The following USP8 variants were observed in gnomAD, a reference collection of about 807,000 sequenced individuals.
USP8 encodes ubiquitin carboxyl-terminal hydrolase 8.
In USP8, 27 loss-of-function variants were observed where a neutral mutation model predicts 130.0. That is an observed-to-expected ratio of 0.21 (90% CI 0.15 to 0.29). The LOEUF is 0.29. Among genes scored for constraint, USP8 ranks in the 10% least tolerant of loss-of-function variants. The pLI, the probability that USP8 is intolerant of heterozygous loss-of-function variation, is 1.00. For synonymous variants in USP8, 392 were observed against 444.1 expected (o/e 0.88, Z 1.48); for missense variants, 1,029 against 1,312.2 (o/e 0.78, Z 3.33).
intron 14 of USP8, among the ~76,000 whole-genome samples, chr15:50,490,808 C>T (rs1447616417): frequency 1.3e-5 from 2 of 152,150 alleles, no homozygotes; most frequent in African/African-American, 4.8e-5. Context: ...AGTACCCTCA[C>T]GTTTTTCATA....
chr15:50,494,322 G>A, intron 16 of USP8, 42 bp downstream of exon 16: 1 of 1,536,802 alleles, frequency 6.5e-7, no homozygotes, highest in Non-Finnish European at 8.8e-7. Flanking sequence ...ACTCTTTAGG[G>A]TTGCTCAGTA....
intron 8 of USP8, among the ~76,000 whole-genome samples, chr15:50,476,306 G>T (rs879158216): frequency 6.6e-6 from 1 of 152,182 alleles, no homozygotes; most frequent in South Asian, 2.1e-4. Context: ...GCGCGTGCTT[G>T]TAAGTCCCAG....
At position 50,482,920 on chromosome 15, in the gene USP8, C is replaced by T. The variant is rs751078650; in HGVS notation, c.1803+855C>T. 5.3e-5 allele frequency among the ~76,000 whole-genome samples: 8 copies of T among 152,308 alleles called. No homozygotes were observed. In the East Asian group the frequency reaches 1.2e-3, roughly 22 times the overall value. On this transcript the variant is annotated intron_variant, in intron 11 of 19. Transcript: ENST00000307179. ...AAAATTAATTCATAGTCAAGCTGCT[C>T]TTATCCAGGGAACACTTATCTGGTA... is the stretch of plus-strand genomic sequence containing the variant.
rs961945763 is a variant in USP8 at position 50,508,669 on chromosome 15, A to T, written c.*9581A>T. 2.2e-4 allele frequency: 33 copies of T among 152,296 alleles called. 1 individual carries two copies. The highest frequency in any genetic ancestry group is 1.8e-3 in the Admixed American group (27 of 15,298). 9.4% of individuals were successfully genotyped at this position (152,296 alleles called of 1,614,324 possible). On this transcript the variant is annotated 3_prime_UTR_variant, in exon 20 of 20. Transcript: ENST00000307179. ...AACAAAGATGTAATACAGAAGATTT[A>T]AAAAAAGGTAAAAGTTGGTGTTTTA...
At chr15:50,480,869 A>G (rs960708457) in intron 10 of USP8, among the ~76,000 whole-genome samples, 1 of 152,164 alleles carries the variant, frequency 6.6e-6, no homozygotes, top group African/African-American at 2.4e-5. Context: ...GCTATGCTGT[A>G]GTCCTGGTGA....
chr15:50,451,858 G>A (rs2141269252), intron 4 of USP8, among the ~76,000 whole-genome samples: 1 of 152,348 alleles, frequency 6.6e-6, no homozygotes, highest in South Asian at 2.1e-4. Flanking sequence ...ATGAGGGAGG[G>A]TATATGCTCT....
intron 1 of USP8, 94 bp downstream of exon 1, chr15:50,424,608 C>G (rs2049635318): frequency 2.5e-6 from 1 of 397,688 alleles, no homozygotes; most frequent in Non-Finnish European, 4.4e-6. Context: ...GCTGGTTACC[C>G]CGGAGACAAG....
rs200759519 is a variant in USP8 at position 50,477,575 on chromosome 15, C to G, written c.1218+76C>G. ...TATAGTATAGCTGGGCACAGTGCCT[C>G]ACGCCTGTAATCCCAGCACTTTGGG... On this transcript the variant is annotated intron_variant, in intron 10 of 19. Coordinates refer to ENST00000307179, the MANE Select transcript of USP8 (RefSeq NM_005154.5). The G allele has an allele frequency of 8.9e-6, 12 of 1,354,484 alleles. No homozygotes were observed. In the East Asian group the frequency reaches 1.5e-4, roughly 17 times the overall value. 83.9% of individuals were successfully genotyped at this position (1,354,484 alleles called of 1,614,324 possible). A position where few individuals can be genotyped will look rare whatever the true frequency, so the allele number is the denominator to read the frequency against.
intron 5 of USP8, among the ~76,000 whole-genome samples, chr15:50,459,994 C>CCG (rs1566858540): frequency 5.9e-5 from 7 of 118,974 alleles, no homozygotes; most frequent in Non-Finnish European, 1.7e-5. Flanking sequence ...CCCACCCCCC[C>CCG]CCTTTTTTTT....
chr15:50,449,300 C>T (rs977132852), intron 3 of USP8, 100 bp from the exon 4 acceptor site: 20 of 630,420 alleles, frequency 3.2e-5, no homozygotes, highest in African/African-American at 1.9e-5. Context: ...ATAAAACAAA[C>T]TTCCCTTTAT....
At chr15:50,441,291 C>T in intron 2 of USP8, 58 bp from the exon 3 acceptor site, 3 of 1,479,168 alleles carry the variant, frequency 2.0e-6, no homozygotes, top group South Asian at 1.3e-5. Context: ...TTGTATATGA[C>T]CTGTATTTTT....
chr15:50,463,456 A>G (rs886555901), intron 6 of USP8: 3 of 152,254 alleles, frequency 2.0e-5, no homozygotes, highest in African/African-American at 7.2e-5. Flanking sequence ...CTTGGATCAG[A>G]GAAAAGGTTG....
In USP8 at chr15:50,503,467, A is replaced by C. The variant is rs2052618353; in HGVS notation, c.*4379A>C. 2 of 152,244 alleles carry C rather than the reference A, an allele frequency of 1.3e-5. No individual in the cohort carries two copies. Among genetic ancestry groups the C allele is most frequent in the African/African-American group, 4.8e-5 (2 of 41,456 alleles). 9.4% of individuals were successfully genotyped at this position (152,244 alleles called of 1,614,324 possible). ...GCAAGGACACTCGAGGTAAAGTCTT[A>C]GGCCCCCCTACAAGGTGAGAAGTTG... is the stretch of plus-strand genomic sequence containing the variant. On this transcript the variant is annotated 3_prime_UTR_variant, in exon 20 of 20. Transcript: ENST00000307179.
intron 11 of USP8, among the ~76,000 whole-genome samples, chr15:50,483,941 C>T (rs937069017): frequency 2.6e-5 from 4 of 152,054 alleles, no homozygotes; most frequent in Admixed American, 6.5e-5. Flanking sequence ...TAACCAAAAT[C>T]GTAATAGTAT....
intron 6 of USP8, among the ~76,000 whole-genome samples, chr15:50,464,181 T>C (rs1441138855): frequency 6.6e-6 from 1 of 152,128 alleles, no homozygotes; most frequent in Non-Finnish European, 1.5e-5. Context: ...GTAAACAAAC[T>C]AGTGTGGCAG....
rs770919827 is a variant in USP8 at position 50,459,065 on chromosome 15, T to C, written c.401T>C (p.Leu134Pro). The change falls in exon 5 of 20, where the codon CTA (leucine) becomes CCA (proline). Residue 134 changes from leucine (L) to proline (P), a missense_variant. Physicochemically the swap from Leu to Pro is moderately conservative, Grantham distance 98. Transcript: ENST00000307179. ...EKDRQEEAQR[L>P]QQKRQETGRE... Reference sequence around the variant, plus strand: ...GACAGGCAGGAGGAAGCACAGCGGCTACAACAAAAAAGGCAGGAAACAGGA... The same window carrying C: ...GACAGGCAGGAGGAAGCACAGCGGCCACAACAAAAAAGGCAGGAAACAGGA... The C allele has an allele frequency of 3.1e-6, 5 of 1,613,868 alleles. No homozygotes were observed. The highest frequency in any genetic ancestry group is 1.3e-5 in the African/African-American group (1 of 74,928).
At chr15:50,475,515 C>A (rs561825346) in intron 8 of USP8, among the ~76,000 whole-genome samples, 2 of 152,066 alleles carry the variant, frequency 1.3e-5, no homozygotes, top group South Asian at 4.2e-4. Flanking sequence ...CAATTCTACT[C>A]CTAGGTAATT....
chr15:50,458,108 C>T (rs1455525815), intron 4 of USP8, among the ~76,000 whole-genome samples: 2 of 152,076 alleles, frequency 1.3e-5, no homozygotes, highest in African/African-American at 4.8e-5. Flanking sequence ...TCTATGATAA[C>T]GTACAGTCTG....
intron 14 of USP8, among the ~76,000 whole-genome samples, chr15:50,491,014 G>A (rs538344667): frequency 6.0e-4 from 91 of 152,010 alleles, no homozygotes; most frequent in Middle Eastern, 3.4e-3. Context: ...CTTTTCCTTC[G>A]TTGTAGTTTT....
Sources: allele counts gnomAD v4.1 joint callset (sites outside exome capture counted in the v4.1 genomes callset), GRCh38; gene constraint gnomAD v4.1.1; transcripts MANE v1.5; gene names NCBI Gene and HGNC (gene_info 2026-07-23, HGNC 2026-07-21).